Variants in CAPN3 observed in about 807,000 individuals in gnomAD.
CAPN3 encodes calpain-3.
A neutral mutation model predicts 114.0 loss-of-function variants in CAPN3; 88 were observed. The observed-to-expected ratio is 0.77, with a 90% CI of 0.65 to 0.92. The LOEUF is 0.92. Among genes scored for constraint, CAPN3 ranks in the 40% least tolerant of loss-of-function variants. The pLI is 0.00. For synonymous variants in CAPN3, 386 were observed against 382.9 expected (o/e 1.01, Z -0.09); for missense variants, 1,028 against 1,069.0 (o/e 0.96, Z 0.53).
At chr15:42,384,120 A>G (rs376104476) in intron 1 of CAPN3, among the ~76,000 whole-genome samples, 45 of 152,180 alleles carry the variant, frequency 3.0e-4, no homozygotes, top group African/African-American at 1.1e-3. Context: ...CTCAATAAAT[A>G]ATAGCTACTG....
Position 42,388,988 on chromosome 15 carries a change from C to T in CAPN3, c.693C>T (p.Phe231=). 1 of 1,614,030 alleles carries T rather than the reference C, an allele frequency of 6.2e-7. No homozygotes were observed. Among genetic ancestry groups the T allele is most frequent in the Non-Finnish European group, 8.5e-7 (1 of 1,180,004 alleles). The change falls in exon 5 of 24, where the codon TTC becomes TTT. Residue 231 remains phenylalanine (F), a synonymous_variant. Coordinates refer to ENST00000397163, the MANE Select transcript of CAPN3 (RefSeq NM_000070.3). ...ACACCACAGAGGCCATGGAGGACTTCACAGGAGGGGTGGCAGAGTTTTTTG... is the reference window on the plus strand; with the variant it reads ...ACACCACAGAGGCCATGGAGGACTTTACAGGAGGGGTGGCAGAGTTTTTTG... ...GGNTTEAMED[F]TGGVAEFFEI...
intron 1 of CAPN3, among the ~76,000 whole-genome samples, chr15:42,378,770 A>C (rs749139325): frequency 6.6e-6 from 1 of 152,054 alleles, no homozygotes; most frequent in Non-Finnish European, 1.5e-5. Flanking sequence ...TAACTTATGC[A>C]TTTAATGCTA....
intron 1 of CAPN3, among the ~76,000 whole-genome samples, chr15:42,364,806 T>C (rs143286834): frequency 2.0e-5 from 3 of 152,360 alleles, no homozygotes; most frequent in Admixed American, 6.5e-5. Flanking sequence ...TTTTCCCATC[T>C]GCATGTGCCT....
At chr15:42,383,793 G>A (rs2053310240) in intron 1 of CAPN3, among the ~76,000 whole-genome samples, 1 of 151,660 alleles carries the variant, frequency 6.6e-6, no homozygotes, top group African/African-American at 2.4e-5. Flanking sequence ...GGCTGGTCTT[G>A]AACTCCTGAC....
At chr15:42,378,287 G>T (rs914822063) in intron 1 of CAPN3, among the ~76,000 whole-genome samples, 1 of 152,212 alleles carries the variant, frequency 6.6e-6, no homozygotes, top group Non-Finnish European at 1.5e-5. Context: ...TCAAAAGTTA[G>T]TTTTAGGACC....
intron 4 of CAPN3, among the ~76,000 whole-genome samples, chr15:42,388,462 TGCCCA>T (rs2053461990): frequency 6.6e-6 from 1 of 152,110 alleles, no homozygotes; most frequent in Non-Finnish European, 1.5e-5. Flanking sequence ...GGCATCACCA[TGCCCA>T]GTTAATTTTT....
intron 10 of CAPN3, among the ~76,000 whole-genome samples, chr15:42,399,965 T>C (rs913408170): frequency 1.3e-5 from 2 of 152,108 alleles, no homozygotes; most frequent in Admixed American, 1.3e-4. Context: ...CCACCAAACA[T>C]CATAGCTTAG....
chr15:42,370,488 A>G (rs904599326), intron 1 of CAPN3, among the ~76,000 whole-genome samples: 2 of 152,188 alleles, frequency 1.3e-5, no homozygotes, highest in African/African-American at 4.8e-5. Flanking sequence ...GGAAAATTAT[A>G]TATCTTTCCA....
intron 12 of CAPN3, 81 bp downstream of exon 12, chr15:42,402,216 T>C: frequency 1.2e-6 from 2 of 1,609,236 alleles, no homozygotes; most frequent in African/African-American, 2.7e-5. Context: ...GTCGAGAAGC[T>C]TCCTGGTGGG....
Position 42,412,313 on chromosome 15 carries a change from T to TG in CAPN3, c.*542dup. 1 of 814,582 alleles carries TG rather than the reference T, an allele frequency of 1.2e-6. No homozygotes were observed. The highest frequency in any genetic ancestry group is 1.9e-6 in the Non-Finnish European group (1 of 523,166). The allele number at this position is 814,582 out of a possible 1,614,324, so 50.5% of individuals were successfully genotyped here. A position where few individuals can be genotyped will look rare whatever the true frequency, so the allele number is the denominator to read the frequency against. ...ATCTAAATAAAGGCATGTGTATGGC[T>TG]GGTCCCCTTGTGTTTTGTTGTCTCA... On this transcript the variant is annotated 3_prime_UTR_variant, in exon 24 of 24. Coordinates refer to ENST00000397163, the MANE Select transcript of CAPN3 (RefSeq NM_000070.3).
rs755564802 is a variant in CAPN3, at chr15:42,410,394, T to C, written c.2116-34T>C. On this transcript the variant is annotated intron_variant, in intron 19 of 23. Coordinates refer to ENST00000397163, the MANE Select transcript of CAPN3 (RefSeq NM_000070.3). Reference sequence around the variant, plus strand: ...CCCTCCAAATCCAGGGGGATTTTGCTGTGTGCTGTGTAGCCCTGACCTCCC... The same window carrying C: ...CCCTCCAAATCCAGGGGGATTTTGCCGTGTGCTGTGTAGCCCTGACCTCCC... The C allele has an allele frequency of 1.9e-6, 3 of 1,605,502 alleles. No individual in the cohort carries two copies. The East Asian group carries it at 6.7e-5, about 36-fold the overall frequency.
In CAPN3 at chr15:42,411,306, C is replaced by G; in HGVS notation, c.2400C>G (p.Asp800Glu). The change falls in exon 23 of 24, where the codon GAC becomes GAG. Residue 800 changes from aspartate to glutamate, a missense_variant. By Grantham distance (45) the Asp-to-Glu change is conservative (BLOSUM62 2). Coordinates refer to ENST00000397163, the MANE Select transcript of CAPN3 (RefSeq NM_000070.3). The stretch of plus-strand genomic sequence containing the variant: ...TCACAGGAGCTTTTCATGCATTTGA[C>G]AAGGATGGAGATGGTATCATCAAGC... ...EGMFRAFHAF[D>E]KDGDGIIKLN... 6.2e-7 allele frequency: 1 copy of G among 1,614,106 alleles called. No homozygotes were observed. The highest frequency in any genetic ancestry group is 8.5e-7 in the Non-Finnish European group (1 of 1,179,972).
chr15:42,410,638 C>T lies in CAPN3; in HGVS notation c.2235C>T (p.Tyr745=), dbSNP rs147774793. The part of the protein sequence containing the change: ...DTDQSGTINS[Y]EMRNAVNDAG... ...ACCAGTCCGGCACCATCAACAGCTA[C>T]GAGATGCGAAATGCAGTCAACGACG... The change falls in exon 21 of 24, where the codon TAC becomes TAT. Residue 745 remains tyrosine, a synonymous_variant. Coordinates refer to ENST00000397163, the MANE Select transcript of CAPN3 (RefSeq NM_000070.3). 1,060 of 1,613,866 alleles carry T rather than the reference C, an allele frequency of 6.6e-4. 1 individual carries two copies. The highest frequency in any genetic ancestry group is 8.4e-4 in the Non-Finnish European group (997 of 1,179,938).
At chr15:42,390,245 C>A in intron 6 of CAPN3, 149 bp downstream of exon 6, 1 of 849,204 alleles carries the variant, frequency 1.2e-6, no homozygotes. Flanking sequence ...ATAACTTGCT[C>A]AGCCAAGGCT....
rs749348916 is a variant in CAPN3 at position 42,396,904 on chromosome 15, GAAGGGT to G, written c.1193+34_1193+39del. On this transcript the variant is annotated intron_variant, in intron 9 of 23. Transcript: ENST00000397163. ...TGAGTCCAGAACCCAGGAAGACCCA[GAAGGGT>G]AAGGGTGGGGAAGAGAGGGGAAATC... 1.6e-5 allele frequency: 24 copies of G among 1,544,692 alleles called. 2 individuals carry two copies. In the South Asian group the frequency reaches 2.7e-4, roughly 17 times the overall value.
rs3743004 is a variant in CAPN3 at position 42,399,447 on chromosome 15, C to T, written c.1194-45C>T. ...CTGGGGTCTTCCGTTCCCAGCCCTC[C>T]TCACCTGCTCCCATATGGCTCTCTC... On this transcript the variant is annotated intron_variant, in intron 9 of 23. Coordinates refer to ENST00000397163, the MANE Select transcript of CAPN3 (RefSeq NM_000070.3). 7,259 of 1,506,830 alleles carry T rather than the reference C, an allele frequency of 4.8e-3. 354 individuals are homozygous for T. In the East Asian group the frequency reaches 0.11, roughly 23 times the overall value. The allele number at this position is 1,506,830 out of a possible 1,614,324, so 93.3% of individuals were successfully genotyped here. A position where few individuals can be genotyped will look rare whatever the true frequency, so the allele number is the denominator to read the frequency against.
At position 42,401,816 on chromosome 15, in the gene CAPN3, C is replaced by G; in HGVS notation, c.1524+6C>G. 3 of 1,611,582 alleles carry G rather than the reference C, an allele frequency of 1.9e-6. No homozygotes were observed. The highest frequency in any genetic ancestry group is 2.5e-6 in the Non-Finnish European group (3 of 1,178,776). Reference sequence around the variant, plus strand: ...TTGGCTTCGCCATCTACGAGGTGTGCAGTCCTGATTGGCTCCAGCCCAGGA... The same window carrying G: ...TTGGCTTCGCCATCTACGAGGTGTGGAGTCCTGATTGGCTCCAGCCCAGGA... On this transcript the variant is annotated splice_donor_region_variant and intron_variant, in intron 11 of 23. Coordinates refer to ENST00000397163, the MANE Select transcript of CAPN3 (RefSeq NM_000070.3).
chr15:42,410,737 C>A, intron 21 of CAPN3, 71 bp downstream of exon 21: 1 of 1,377,232 alleles, frequency 7.3e-7, no homozygotes, highest in Non-Finnish European at 1.0e-6. Flanking sequence ...GGGGACTAGG[C>A]TACTAGGGCC....
chr15:42,389,032 G>C lies in CAPN3; in HGVS notation c.737G>C (p.Ser246Thr). 6.2e-7 allele frequency: 1 copy of C among 1,614,072 alleles called. No homozygotes were observed. Among genetic ancestry groups the C allele is most frequent in the Non-Finnish European group, 8.5e-7 (1 of 1,180,002 alleles). Reference protein sequence around the residue: ...AEFFEIRDAPSDMYKIMKKAI... With the variant: ...AEFFEIRDAPTDMYKIMKKAI... The stretch of plus-strand genomic sequence containing the variant: ...TTTTTTGAGATCAGGGATGCTCCTA[G>C]TGACATGTACAAGATCATGAAGAAA... Residue 246 changes from serine (S) to threonine (T), a missense_variant, in exon 5 of 24, where the codon AGT (serine) becomes ACT (threonine). Transcript: ENST00000397163.
Sources: allele counts gnomAD v4.1 joint callset (sites outside exome capture counted in the v4.1 genomes callset), GRCh38; gene constraint gnomAD v4.1.1; transcripts MANE v1.5; gene names NCBI Gene and HGNC (gene_info 2026-07-23, HGNC 2026-07-21).